Variants in ACAP2 observed in about 807,000 individuals in gnomAD.
ACAP2 encodes the protein ArfGAP with coiled-coil, ankyrin repeat and PH domains 2, also known as arf-GAP with coiled-coil, ANK repeat and PH domain-containing protein 2.
A neutral mutation model predicts 115.8 loss-of-function variants in ACAP2; 39 were observed. The observed-to-expected ratio is 0.34, with a 90% CI of 0.26 to 0.44. The LOEUF is 0.44. Among genes scored for constraint, ACAP2 ranks in the 20% least tolerant of loss-of-function variants. The pLI is 1.00. For missense variants in ACAP2, 662 were observed against 927.6 expected (o/e 0.71, Z 3.72); for synonymous variants, 289 against 315.8 (o/e 0.92, Z 0.90).
At chr3:195,306,392 C>A (rs1728423415) in intron 13 of ACAP2, 119 bp downstream of exon 13, 2 of 528,772 alleles carry the variant, frequency 3.8e-6, no homozygotes, top group Non-Finnish European at 6.5e-6. Flanking sequence ...AAAAATAAAA[C>A]TCAATTACAT....
chr3:195,363,344 T>C (rs1322502527), intron 4 of ACAP2, among the ~76,000 whole-genome samples: 2 of 152,118 alleles, frequency 1.3e-5, no homozygotes, highest in Non-Finnish European at 2.9e-5. Context: ...GAAGAACTAA[T>C]ATTGTTAAAA....
In ACAP2 at chr3:195,291,101, T is replaced by A. The variant is rs1346861832; in HGVS notation, c.2063+605A>T. On this transcript the variant is annotated intron_variant, in intron 20 of 22. Coordinates refer to ENST00000326793, the MANE Select transcript of ACAP2 (RefSeq NM_012287.6). Reference sequence around the variant, plus strand: ...CATAATAATCGGATACCCTGAGATATCTTATTAAGAAACAAGCGTTTAAGA... The same window carrying A: ...CATAATAATCGGATACCCTGAGATAACTTATTAAGAAACAAGCGTTTAAGA... Among the ~76,000 whole-genome samples the A allele has an allele frequency of 3.9e-5, 6 of 152,282 alleles. No homozygotes were observed. In the South Asian group the frequency reaches 1.0e-3, roughly 26 times the overall value.
At chr3:195,347,274 AG>A (rs1411261944) in intron 4 of ACAP2, among the ~76,000 whole-genome samples, 1 of 152,194 alleles carries the variant, frequency 6.6e-6, no homozygotes, top group African/African-American at 2.4e-5. Flanking sequence ...CAATCTTCTC[AG>A]GAACACTAAC....
intron 2 of ACAP2, among the ~76,000 whole-genome samples, chr3:195,385,203 A>G (rs1734215306): frequency 6.6e-6 from 1 of 151,500 alleles, no homozygotes; most frequent in African/African-American, 2.4e-5. Flanking sequence ...TCTTGAGGCC[A>G]GGCATTTGAG....
intron 21 of ACAP2, 57 bp from the exon 22 acceptor site, chr3:195,285,914 T>C: frequency 7.7e-7 from 1 of 1,294,308 alleles, no homozygotes; most frequent in South Asian, 1.3e-5. Flanking sequence ...ATGTCATAAA[T>C]AAAGTCTATA....
At chr3:195,382,734 A>AT (rs1734033136) in intron 2 of ACAP2, among the ~76,000 whole-genome samples, 1 of 152,188 alleles carries the variant, frequency 6.6e-6, no homozygotes, top group South Asian at 2.1e-4. Context: ...TCTCAAGAGC[A>AT]TAAATTAAAA....
intron 2 of ACAP2, among the ~76,000 whole-genome samples, chr3:195,391,321 C>A (rs1029138982): frequency 1.3e-5 from 2 of 151,400 alleles, no homozygotes; most frequent in Admixed American, 6.6e-5. Flanking sequence ...CCTCCACTTC[C>A]CCAGCTCAAG....
At chr3:195,424,290 T>A (rs1425363532) in intron 1 of ACAP2, among the ~76,000 whole-genome samples, 1,438 of 40,578 alleles carry the variant, frequency 0.035, 35 homozygotes, top group East Asian at 0.26. Context: ...TATATTTTTT[T>A]TTTTTTTTTT....
At chr3:195,308,662 C>T (rs1728566889) in intron 11 of ACAP2, 124 bp downstream of exon 11, 1 of 832,540 alleles carries the variant, frequency 1.2e-6, no homozygotes. Context: ...CCTGCTCAAA[C>T]ATAAAACTAA....
intron 8 of ACAP2, among the ~76,000 whole-genome samples, chr3:195,329,444 C>T (rs1244279099): frequency 1.3e-5 from 2 of 152,166 alleles, no homozygotes; most frequent in African/African-American, 4.8e-5. Flanking sequence ...ACTTCTCTTT[C>T]TCCTTTTCAA....
rs1282766932 is a variant in ACAP2, at chr3:195,428,235, AGTCAT to A, written c.53+14555_53+14559del. On this transcript the variant is annotated intron_variant, in intron 1 of 22. Coordinates refer to ENST00000326793, the MANE Select transcript of ACAP2 (RefSeq NM_012287.6). ...CATAATTATATGTATGTATATATGCAGTCATATATATAGGTATATATATTATATAG... is the reference window on the plus strand; with the variant it reads ...CATAATTATATGTATGTATATATGCAATATATAGGTATATATATTATATAG... Among the ~76,000 whole-genome samples, 5 of 150,954 alleles carry A rather than the reference AGTCAT, an allele frequency of 3.3e-5. No individual in the cohort carries two copies. In the East Asian group the frequency reaches 9.7e-4, roughly 29 times the overall value.
At chr3:195,407,380 C>T (rs974624809) in intron 1 of ACAP2, among the ~76,000 whole-genome samples, 1 of 151,962 alleles carries the variant, frequency 6.6e-6, no homozygotes, top group South Asian at 2.1e-4. Flanking sequence ...GGAAAAAATA[C>T]ATTAAAAATA....
chr3:195,320,943 G>A, intron 9 of ACAP2, 130 bp from the exon 10 acceptor site: 1 of 541,646 alleles, frequency 1.8e-6, no homozygotes, highest in Non-Finnish European at 3.3e-6. Flanking sequence ...ATATTAATAA[G>A]AAAAATGAAG....
chr3:195,330,087 T>C (rs914460205), intron 8 of ACAP2, among the ~76,000 whole-genome samples: 3 of 152,176 alleles, frequency 2.0e-5, no homozygotes, highest in Non-Finnish European at 4.4e-5. Context: ...AATCAGCAAG[T>C]ATACGCTACT....
intron 4 of ACAP2, among the ~76,000 whole-genome samples, chr3:195,351,570 T>C (rs1731608968): frequency 6.6e-6 from 1 of 151,764 alleles, no homozygotes; most frequent in East Asian, 1.9e-4. Context: ...CACGCCATTC[T>C]CCTGCTTCAG....
intron 8 of ACAP2, among the ~76,000 whole-genome samples, chr3:195,332,020 G>A (rs1730204295): frequency 6.6e-6 from 1 of 151,554 alleles, no homozygotes; most frequent in Non-Finnish European, 1.5e-5. Flanking sequence ...TGTAGTCCCA[G>A]CTACTCAGGA....
chr3:195,285,783 G>C lies in ACAP2; in HGVS notation c.2236+13C>G, dbSNP rs1336579091. ...ATACTGCATTTCAGTATGGTTATTA[G>C]TAGAATATTGACCTGGCTGTCCATA... is the stretch of plus-strand genomic sequence containing the variant. On this transcript the variant is annotated intron_variant, in intron 22 of 22. Coordinates refer to ENST00000326793, the MANE Select transcript of ACAP2 (RefSeq NM_012287.6). 1 of 1,602,742 alleles carries C rather than the reference G, an allele frequency of 6.2e-7. No homozygotes were observed. Among genetic ancestry groups the C allele is most frequent in the South Asian group, 1.1e-5 (1 of 90,194 alleles).
intron 1 of ACAP2, among the ~76,000 whole-genome samples, chr3:195,397,344 A>G (rs1179945449): frequency 2.6e-5 from 4 of 152,146 alleles, no homozygotes; most frequent in African/African-American, 9.7e-5. Context: ...AGGATGGCCC[A>G]CTGACCCAAG....
chr3:195,339,516 A>G (rs983021094), intron 6 of ACAP2, among the ~76,000 whole-genome samples: 1 of 150,392 alleles, frequency 6.6e-6, no homozygotes, highest in African/African-American at 2.4e-5. Context: ...TTTAAATTAT[A>G]TAGCATTTAA....
Sources: allele counts gnomAD v4.1 joint callset (sites outside exome capture counted in the v4.1 genomes callset), GRCh38; gene constraint gnomAD v4.1.1; transcripts MANE v1.5; gene names NCBI Gene and HGNC (gene_info 2026-07-23, HGNC 2026-07-21).